Variants in SGMS1 observed in about 807,000 individuals in gnomAD.
SGMS1 encodes sphingomyelin synthase 1.
In SGMS1, 13 loss-of-function variants were observed where a neutral mutation model predicts 46.2. The observed-to-expected ratio is 0.28, with a 90% confidence interval of 0.18 to 0.45. SGMS1 has a LOEUF of 0.45. Ranked by LOEUF, SGMS1 falls within the 20% of genes least tolerant of loss-of-function variation. SGMS1 has a pLI of 1.00. For missense variants in SGMS1, 324 were observed against 519.9 expected (o/e 0.62, Z 3.66); for synonymous variants, 203 against 187.8 (o/e 1.08, Z -0.66).
chr10:50,340,327 C>T (rs1158290180), intron 7 of SGMS1: 2 of 152,254 alleles, frequency 1.3e-5, no homozygotes. Context: ...CATCTTCAGC[C>T]TTCATCAAAT....
chr10:50,597,707 G>C (rs1024478394), intron 1 of SGMS1, among the ~76,000 whole-genome samples: 3 of 152,078 alleles, frequency 2.0e-5, no homozygotes, highest in African/African-American at 2.4e-5. Flanking sequence ...GTGAATTAAT[G>C]TCTGTGTTAA....
chr10:50,460,169 A>G (rs528954144), intron 5 of SGMS1: 6 of 152,332 alleles, frequency 3.9e-5, no homozygotes, highest in Non-Finnish European at 8.8e-5. Flanking sequence ...AAACAAGAAA[A>G]TGAGGTAAAC....
At chr10:50,478,857 A>G (rs1837451569) in intron 3 of SGMS1, among the ~76,000 whole-genome samples, 1 of 152,110 alleles carries the variant, frequency 6.6e-6, no homozygotes, top group Non-Finnish European at 1.5e-5. Flanking sequence ...CCCTGTTGTA[A>G]CCACATAGTG....
intron 3 of SGMS1, among the ~76,000 whole-genome samples, chr10:50,485,362 G>A (rs750415385): frequency 6.6e-6 from 1 of 152,212 alleles, no homozygotes; most frequent in East Asian, 1.9e-4. Context: ...CCTCTTCAAG[G>A]AGAACTACAA....
At chr10:50,362,661 A>G (rs911614380) in intron 6 of SGMS1, among the ~76,000 whole-genome samples, 4 of 152,238 alleles carry the variant, frequency 2.6e-5, no homozygotes, top group African/African-American at 9.6e-5. Flanking sequence ...TGAATCACAC[A>G]AGGAAATGAT....
intron 6 of SGMS1, among the ~76,000 whole-genome samples, chr10:50,357,396 A>T (rs2133402881): frequency 6.6e-6 from 1 of 152,320 alleles, no homozygotes; most frequent in East Asian, 1.9e-4. Context: ...CAAATAATCT[A>T]TTATACTACC....
At chr10:50,413,420 T>C (rs1350767313) in intron 6 of SGMS1, among the ~76,000 whole-genome samples, 1 of 152,218 alleles carries the variant, frequency 6.6e-6, no homozygotes, top group Non-Finnish European at 1.5e-5. Context: ...TTTATAAACA[T>C]ACTGTTAAAG....
At chr10:50,342,789 G>C (rs1371005024) in intron 7 of SGMS1, 2 of 152,196 alleles carry the variant, frequency 1.3e-5, no homozygotes, top group South Asian at 4.1e-4. Flanking sequence ...CAGTCTGAGG[G>C]GGTCCATGTT....
intron 6 of SGMS1, among the ~76,000 whole-genome samples, chr10:50,407,057 A>G (rs1428299703): frequency 6.6e-6 from 1 of 152,070 alleles, no homozygotes; most frequent in Non-Finnish European, 1.5e-5. Flanking sequence ...TGTTTAAACT[A>G]CTATGCAGTT....
intron 3 of SGMS1, among the ~76,000 whole-genome samples, chr10:50,518,328 G>T (rs1227279397): frequency 3.9e-5 from 6 of 152,092 alleles, no homozygotes; most frequent in Admixed American, 3.9e-4. Flanking sequence ...TTCCAAATCA[G>T]CAGAGAAAGA....
chr10:50,391,082 A>G (rs2133507301), intron 6 of SGMS1, among the ~76,000 whole-genome samples: 1 of 152,356 alleles, frequency 6.6e-6, no homozygotes, highest in South Asian at 2.1e-4. Context: ...AGACCTGGTC[A>G]GAGGTATTGA....
chr10:50,310,077 G>T (rs771616407), intron 9 of SGMS1, among the ~76,000 whole-genome samples: 1 of 152,218 alleles, frequency 6.6e-6, no homozygotes, highest in Non-Finnish European at 1.5e-5. Flanking sequence ...ATGGGCACCC[G>T]ATCTACATCA....
intron 6 of SGMS1, among the ~76,000 whole-genome samples, chr10:50,401,182 CA>C (rs1848935345): frequency 6.6e-6 from 1 of 152,190 alleles, no homozygotes; most frequent in Non-Finnish European, 1.5e-5. Flanking sequence ...TGAAAAACAG[CA>C]AGTTCTAAAC....
At chr10:50,372,495 C>T (rs1848453197) in intron 6 of SGMS1, among the ~76,000 whole-genome samples, 2 of 152,088 alleles carry the variant, frequency 1.3e-5, no homozygotes, top group African/African-American at 2.4e-5. Context: ...GAGATCAAGA[C>T]CATCCTGGCT....
At chr10:50,578,290 G>A (rs1045042723) in intron 2 of SGMS1, among the ~76,000 whole-genome samples, 2 of 152,156 alleles carry the variant, frequency 1.3e-5, no homozygotes, top group Non-Finnish European at 1.5e-5. Context: ...TTTAGCCTGC[G>A]GGAATGCCCT....
At chr10:50,619,977 A>G (rs982573826) in intron 1 of SGMS1, among the ~76,000 whole-genome samples, 2 of 152,020 alleles carry the variant, frequency 1.3e-5, no homozygotes, top group Non-Finnish European at 2.9e-5. Context: ...GTGTCTGTGG[A>G]TCTGTGTGTG....
chr10:50,350,917 G>A (rs566168032), intron 6 of SGMS1, among the ~76,000 whole-genome samples: 65 of 152,270 alleles, frequency 4.3e-4, no homozygotes, highest in African/African-American at 1.4e-3. Context: ...CTGCCTAGTG[G>A]AGCTGTGAAA....
intron 6 of SGMS1, among the ~76,000 whole-genome samples, chr10:50,431,588 C>T (rs1229324128): frequency 6.6e-6 from 1 of 152,122 alleles, no homozygotes; most frequent in Admixed American, 6.5e-5. Flanking sequence ...TTTTTTCCTC[C>T]ATTTCACTCC....
chr10:50,527,779 T>C (rs2133799259), intron 2 of SGMS1, among the ~76,000 whole-genome samples: 1 of 152,294 alleles, frequency 6.6e-6, no homozygotes, highest in South Asian at 2.1e-4. Flanking sequence ...CTTGTGTCTG[T>C]CACCTTGAAG....
Sources: gnomAD v4.1 joint callset for allele counts (sites outside exome capture counted in the v4.1 genomes callset) on GRCh38, gnomAD v4.1.1 for gene constraint, MANE v1.5 for transcripts, NCBI Gene and HGNC (gene_info 2026-07-23, HGNC 2026-07-21) for gene names.